The following THSD4 variants were observed in gnomAD, a reference collection of about 807,000 sequenced individuals.
THSD4 encodes the protein thrombospondin type 1 domain containing 4.
Under a neutral mutation model 119.0 loss-of-function variants are expected in THSD4, and 69 were observed. The observed-to-expected ratio is 0.58, with a 90% CI of 0.48 to 0.71. The LOEUF (loss-of-function observed/expected upper bound fraction) is 0.71, where lower values mean the gene tolerates loss of function less well. Ranked by LOEUF, THSD4 falls within the 30% of genes least tolerant of loss-of-function variation. The pLI, the probability that THSD4 is intolerant of heterozygous loss-of-function variation, is 0.00. For synonymous variants in THSD4, 524 were observed against 540.4 expected (o/e 0.97, Z 0.42); for missense variants, 1,393 against 1,391.1 (o/e 1.00, Z -0.02).
intron 6 of THSD4, among the ~76,000 whole-genome samples, chr15:71,333,482 C>CT (rs1456433457): frequency 2.0e-5 from 3 of 152,290 alleles, no homozygotes; most frequent in Non-Finnish European, 1.5e-5. Context: ...TCAACATACT[C>CT]TAATTTGGCT....
At chr15:71,237,306 C>T (rs1187945892) in intron 4 of THSD4, among the ~76,000 whole-genome samples, 3 of 152,272 alleles carry the variant, frequency 2.0e-5, no homozygotes, top group African/African-American at 4.8e-5. Flanking sequence ...ATTCTCAGGC[C>T]GTGCCCTAGA....
chr15:71,124,498 C>T (rs1035200558), intron 1 of THSD4, among the ~76,000 whole-genome samples: 1 of 152,096 alleles, frequency 6.6e-6, no homozygotes, highest in African/African-American at 2.4e-5. Context: ...TTAAAATATC[C>T]TGATAGTCAA....
chr15:71,496,420 G>A (rs149195154), intron 7 of THSD4, among the ~76,000 whole-genome samples: 3 of 152,220 alleles, frequency 2.0e-5, no homozygotes, highest in Non-Finnish European at 2.9e-5. Context: ...AGAAGTCTGC[G>A]TATGGGCAGT....
chr15:71,259,354 TA>T (rs2044362866), intron 6 of THSD4, among the ~76,000 whole-genome samples: 1 of 152,112 alleles, frequency 6.6e-6, no homozygotes, highest in African/African-American at 2.4e-5. Context: ...ACTGTGAGAA[TA>T]AATTTCTCTT....
chr15:71,332,881 GA>G (rs2045440519), intron 6 of THSD4, among the ~76,000 whole-genome samples: 1 of 36,492 alleles, frequency 2.7e-5, no homozygotes, highest in African/African-American at 6.2e-5. Context: ...AAAACATTGA[GA>G]TTTTTTTACA....
At chr15:71,317,448 A>G (rs2045204258) in intron 6 of THSD4, among the ~76,000 whole-genome samples, 1 of 152,232 alleles carries the variant, frequency 6.6e-6, no homozygotes, top group South Asian at 2.1e-4. Flanking sequence ...GTGGCAGGCA[A>G]GAGAGCATGT....
Position 71,777,498 on chromosome 15 carries a change from C to A in THSD4, c.*124C>A. ...CAGGCGCTGCCAACCAACTTAGTCA[C>A]CACCCCTGCCTCCGGTGAATGCACC... On this transcript the variant is annotated 3_prime_UTR_variant, in exon 18 of 18. Transcript: ENST00000261862. 7.5e-7 allele frequency: 1 copy of A among 1,339,780 alleles called. No individual in the cohort carries two copies. The highest frequency in any genetic ancestry group is 1.0e-6 in the Non-Finnish European group (1 of 997,446). The allele number at this position is 1,339,780 out of a possible 1,614,324, so 83.0% of individuals were successfully genotyped here.
chr15:71,736,505 C>T (rs952753381), intron 10 of THSD4, among the ~76,000 whole-genome samples: 3 of 151,572 alleles, frequency 2.0e-5, no homozygotes, highest in Non-Finnish European at 1.5e-5. Context: ...CTCTGTCTTG[C>T]TCTCTCTATC....
intron 1 of THSD4, among the ~76,000 whole-genome samples, chr15:71,116,241 A>C (rs2040361235): frequency 6.6e-6 from 1 of 152,308 alleles, no homozygotes; most frequent in South Asian, 2.1e-4. Flanking sequence ...GAGCGCCTGG[A>C]GCCCGAGTGG....
intron 7 of THSD4, among the ~76,000 whole-genome samples, chr15:71,575,941 G>A (rs1282110308): frequency 1.3e-5 from 2 of 152,214 alleles, no homozygotes; most frequent in Admixed American, 1.3e-4. Context: ...CACTGGCCCT[G>A]AGGAAAGTGT....
At chr15:71,737,260 G>T (rs1395025964) in intron 10 of THSD4, among the ~76,000 whole-genome samples, 6 of 152,208 alleles carry the variant, frequency 3.9e-5, no homozygotes, top group Non-Finnish European at 8.8e-5. Flanking sequence ...GATAAATAAT[G>T]CCAGATTTCC....
chr15:71,477,505 T>C (rs2047670676), intron 7 of THSD4, among the ~76,000 whole-genome samples: 1 of 151,930 alleles, frequency 6.6e-6, no homozygotes, highest in Non-Finnish European at 1.5e-5. Flanking sequence ...GTTACTGGAG[T>C]GGGATTAGGA....
intron 6 of THSD4, among the ~76,000 whole-genome samples, chr15:71,265,235 C>T (rs2044450235): frequency 6.6e-6 from 1 of 152,060 alleles, no homozygotes; most frequent in Non-Finnish European, 1.5e-5. Context: ...GTGATTTCTG[C>T]ATTTCCAACT....
At chr15:71,238,068 G>T (rs1195984241) in intron 4 of THSD4, among the ~76,000 whole-genome samples, 1 of 152,046 alleles carries the variant, frequency 6.6e-6, no homozygotes, top group African/African-American at 2.4e-5. Context: ...TGTGGGGGCG[G>T]GGTGGGGGTG....
rs148660844 is a variant in THSD4, at chr15:71,627,989, C to T, written c.1153-32541C>T. Among the ~76,000 whole-genome samples, 37 of 152,312 alleles carry T rather than the reference C, an allele frequency of 2.4e-4. No individual in the cohort carries two copies. The East Asian group carries it at 6.4e-3, about 26-fold the overall frequency. On this transcript the variant is annotated intron_variant, in intron 7 of 17. Coordinates refer to ENST00000261862, the MANE Select transcript of THSD4 (RefSeq NM_024817.3). Reference sequence around the variant, plus strand: ...TGGGCCCTTCCATATTCCAGCTAAGCATTCTCTTACCCTTAGGTAAGTGGC... The same window carrying T: ...TGGGCCCTTCCATATTCCAGCTAAGTATTCTCTTACCCTTAGGTAAGTGGC...
At chr15:71,708,586 C>T (rs1368334248) in intron 8 of THSD4, among the ~76,000 whole-genome samples, 1 of 152,046 alleles carries the variant, frequency 6.6e-6, no homozygotes, top group Non-Finnish European at 1.5e-5. Context: ...AGGGCAAAGC[C>T]ATGTCAGGAA....
chr15:71,430,643 G>A (rs1367868357), intron 7 of THSD4, among the ~76,000 whole-genome samples: 1 of 151,420 alleles, frequency 6.6e-6, no homozygotes, highest in Admixed American at 6.6e-5. Context: ...TCTAATCCCA[G>A]CTACTCGGGA....
At chr15:71,502,348 C>G (rs555764354) in intron 7 of THSD4, among the ~76,000 whole-genome samples, 9 of 152,184 alleles carry the variant, frequency 5.9e-5, no homozygotes, top group African/African-American at 2.2e-4. Context: ...TAAAGTTAAT[C>G]AAAATTAGGG....
intron 7 of THSD4, among the ~76,000 whole-genome samples, chr15:71,532,945 T>C (rs1461114189): frequency 2.0e-5 from 3 of 152,232 alleles, no homozygotes; most frequent in Admixed American, 1.3e-4. Flanking sequence ...GTTTTCCATT[T>C]AGGCAGAGAG....
Sources: allele counts gnomAD v4.1 joint callset (sites outside exome capture counted in the v4.1 genomes callset), GRCh38; gene constraint gnomAD v4.1.1; transcripts MANE v1.5; gene names NCBI Gene and HGNC (gene_info 2026-07-23, HGNC 2026-07-21).